The following ZNF442 variants were observed in gnomAD, a reference collection of about 807,000 sequenced individuals.
ZNF442 encodes the protein zinc finger protein 442.
Under a neutral mutation model 57.0 loss-of-function variants are expected in ZNF442, and 45 were observed. The ratio of observed to expected loss-of-function variants is 0.79; its 90% CI spans 0.62 to 1.01. The LOEUF is 1.01. Ranked by LOEUF, ZNF442 falls within the 50% of genes least tolerant of loss-of-function variation. The pLI is 0.00. For missense variants in ZNF442, 690 were observed against 756.5 expected, an observed-to-expected ratio of 0.91 and a Z score of 1.03; for synonymous variants, 213 against 241.8, an observed-to-expected ratio of 0.88 and a Z score of 1.10.
chr19:12,372,783 C>CT, the ZNF442 span, among the ~76,000 whole-genome samples: 3 of 152,070 alleles, frequency 2.0e-5, no homozygotes, highest in Non-Finnish European at 4.4e-5. Flanking sequence ...TGTGAGTTTT[C>CT]TTTTTTTGGA....
rs1320982560 is a variant in ZNF442 at position 12,348,518 on chromosome 19, T to G, written c.*1183A>C. The G allele has an allele frequency of 6.6e-6, 1 of 152,160 alleles. No homozygotes were observed. The highest frequency in any genetic ancestry group is 1.5e-5 in the Non-Finnish European group (1 of 68,044). 9.4% of individuals were successfully genotyped at this position (152,160 alleles called of 1,614,324 possible). ...CTACAACAATGTTTCTAACTAAATA[T>G]CTGCAAATATGAAGACAGATCCTTC... On this transcript the variant is annotated 3_prime_UTR_variant, in exon 6 of 6. Transcript: ENST00000242804.
At position 12,351,245 on chromosome 19, in the gene ZNF442, C is replaced by G; in HGVS notation, c.340G>C (p.Asp114His). The G allele has an allele frequency of 6.2e-7, 1 of 1,614,158 alleles. No individual in the cohort carries two copies. The highest frequency in any genetic ancestry group is 8.5e-7 in the Non-Finnish European group (1 of 1,180,032). ...STVNEKPPGV[D>H]PCKSSVCGEI... ...CCACACACACTGCTTTTACATGGAT[C>G]TACTCCAGGAGGTTTTTCATTCACA... Residue 114 changes from aspartate (D) to histidine (H), a missense_variant, in exon 6 of 6, where the codon GAT (aspartate) becomes CAT (histidine). Transcript: ENST00000242804.
In ZNF442 at chr19:12,351,139, C is replaced by G. The variant is rs777994242; in HGVS notation, c.446G>C (p.Gly149Ala). 1.2e-5 allele frequency: 20 copies of G among 1,614,130 alleles called. No individual in the cohort carries two copies. The highest frequency in any genetic ancestry group is 1.7e-5 in the Non-Finnish European group (20 of 1,180,010). The change falls in exon 6 of 6, where the codon GGA (glycine) becomes GCA (alanine). Residue 149 changes from glycine (G) to alanine (A), a missense_variant. Coordinates refer to ENST00000242804, the MANE Select transcript of ZNF442 (RefSeq NM_030824.3). ...GHKPDECQEY[G>A]EKPHTHKQCG... ...TTGTTTATGTGTATGTGGCTTCTCT[C>G]CATATTCCTGACACTCATCTGGTTT...
chr19:12,361,545 C>T (rs1421610115), intron 3 of ZNF442, among the ~76,000 whole-genome samples: 3 of 152,170 alleles, frequency 2.0e-5, no homozygotes, highest in Admixed American at 1.3e-4. Context: ...AAACATTTTT[C>T]CTTAGTCATA....
At chr19:12,357,279 T>C (rs369347298) in intron 3 of ZNF442, among the ~76,000 whole-genome samples, 2 of 152,096 alleles carry the variant, frequency 1.3e-5, no homozygotes, top group Admixed American at 6.6e-5. Context: ...TCATACTTTA[T>C]GTGCATTACA....
chr19:12,348,199 C>T lies in ZNF442; in HGVS notation c.*1502G>A, dbSNP rs1969156745. The stretch of plus-strand genomic sequence containing the variant: ...ATCTCTACTAAAAATAAAAATTAGC[C>T]AGGCATGGTGGCGAGTGCCTGTAAT... On this transcript the variant is annotated 3_prime_UTR_variant, in exon 6 of 6. Transcript: ENST00000242804. 3 of 151,968 alleles carry T rather than the reference C, an allele frequency of 2.0e-5. No homozygotes were observed. Among genetic ancestry groups the T allele is most frequent in the Admixed American group, 2.0e-4 (3 of 15,244 alleles). 9.4% of individuals were successfully genotyped at this position (151,968 alleles called of 1,614,324 possible).
the ZNF442 span, among the ~76,000 whole-genome samples, chr19:12,372,626 G>T: frequency 0.016 from 2,475 of 152,224 alleles, 57 homozygotes; most frequent in African/African-American, 0.054. Flanking sequence ...ACCTTGATGT[G>T]TTTTTTTCTG....
chr19:12,355,900 T>G (rs966578779), intron 3 of ZNF442, among the ~76,000 whole-genome samples: 2 of 151,978 alleles, frequency 1.3e-5, no homozygotes, highest in Admixed American at 1.3e-4. Context: ...CCTAGGAGGC[T>G]GAGGTGGGAG....
chr19:12,366,277 G>A (rs1345833714), upstream of ZNF442, among the ~76,000 whole-genome samples: 1 of 152,126 alleles, frequency 6.6e-6, no homozygotes, highest in African/African-American at 2.4e-5. Flanking sequence ...ATCAAAAGAA[G>A]GGAAAAGAAA....
In ZNF442 at chr19:12,350,534, A is replaced by G. The variant is rs1969208874; in HGVS notation, c.1051T>C (p.Cys351Arg). 1 of 1,613,940 alleles carries G rather than the reference A, an allele frequency of 6.2e-7. No homozygotes were observed. Among genetic ancestry groups the G allele is most frequent in the Non-Finnish European group, 8.5e-7 (1 of 1,179,986 alleles). ...IRHTGDGPHKCKICGKGFDCP... is the reference protein window; with the variant it reads ...IRHTGDGPHKRKICGKGFDCP... ...TCAAAGCCTTTCCCACATATCTTAC[A>G]TTTATGAGGTCCATCTCCAGTGTGC... The change falls in exon 6 of 6, where the codon TGT (cysteine) becomes CGT (arginine). Residue 351 changes from cysteine (C) to arginine (R), a missense_variant. Physicochemically the swap from Cys to Arg is radical, Grantham distance 180. Transcript: ENST00000242804.
the ZNF442 span, among the ~76,000 whole-genome samples, chr19:12,373,205 T>C: frequency 6.6e-6 from 1 of 152,188 alleles, no homozygotes; most frequent in Non-Finnish European, 1.5e-5. Context: ...GACACTTACA[T>C]CATTTCATCA....
chr19:12,350,552 C>T lies in ZNF442; in HGVS notation c.1033G>A (p.Gly345Arg), dbSNP rs1276100006. The T allele has an allele frequency of 1.1e-5, 17 of 1,613,856 alleles. No individual in the cohort carries two copies. The East Asian group carries it at 3.1e-4, about 30-fold the overall frequency. ...ATCTTACATTTATGAGGTCCATCTC[C>T]AGTGTGCCTTATCATGTGTCTTTGA... ...SFQRHMIRHTGDGPHKCKICG... is the reference protein window; with the variant it reads ...SFQRHMIRHTRDGPHKCKICG... Residue 345 changes from glycine to arginine, a missense_variant, in exon 6 of 6, where the codon GGA (glycine) becomes AGA (arginine). Coordinates refer to ENST00000242804, the MANE Select transcript of ZNF442 (RefSeq NM_030824.3).
At chr19:12,372,568 C>A in the ZNF442 span, among the ~76,000 whole-genome samples, 1 of 152,138 alleles carries the variant, frequency 6.6e-6, no homozygotes, top group Non-Finnish European at 1.5e-5. Context: ...ACTACCTATT[C>A]AACTCATGAA....
chr19:12,370,707 G>C (rs1252471510), upstream of ZNF442, among the ~76,000 whole-genome samples: 5 of 152,106 alleles, frequency 3.3e-5, no homozygotes, highest in Admixed American at 3.3e-4. Context: ...GGGCATGGTG[G>C]CTCACGCCTG....
At chr19:12,362,871 T>C (rs541156159) in intron 3 of ZNF442, among the ~76,000 whole-genome samples, 1 of 149,330 alleles carries the variant, frequency 6.7e-6, no homozygotes, top group African/African-American at 2.5e-5. Flanking sequence ...CTAAGAAAAA[T>C]TCTTCTGCCT....
rs544070248 is a variant in ZNF442, at chr19:12,350,996, G to A, written c.589C>T (p.Arg197Ter). 1.9e-5 allele frequency: 30 copies of A among 1,613,836 alleles called. No individual in the cohort carries two copies. The highest frequency in any genetic ancestry group is 8.9e-5 in the East Asian group (4 of 44,886). The change falls in exon 6 of 6, where the codon CGA becomes TGA. Residue 197 changes from arginine (R) to a stop codon, truncating the protein, a stop_gained. Transcript: ENST00000242804. LOFTEE classifies it high-confidence loss of function. ...GKTFSSSGNL[R>*]RHIIVQRGGG... is the part of the protein sequence containing the mutation. Reference sequence around the variant, plus strand: ...CCACGTTGTACTATTATGTGTCTTCGAAGGTTTCCCGAAGAACTGAAGGTT... The same window carrying A: ...CCACGTTGTACTATTATGTGTCTTCAAAGGTTTCCCGAAGAACTGAAGGTT...
At chr19:12,351,408 T>A (rs1367598794) in intron 5 of ZNF442, 90 bp from the exon 6 acceptor site, 1 of 1,211,606 alleles carries the variant, frequency 8.3e-7, no homozygotes, top group Non-Finnish European at 1.1e-6. Context: ...TTTTACATCA[T>A]CATGCAACGT....
intron 3 of ZNF442, among the ~76,000 whole-genome samples, chr19:12,359,491 T>C (rs576293514): frequency 1.3e-5 from 2 of 152,184 alleles, no homozygotes; most frequent in Non-Finnish European, 2.9e-5. Flanking sequence ...TTTTATCTTA[T>C]GATTAGCTGA....
chr19:12,352,300 C>G (rs1969253399), intron 4 of ZNF442, among the ~76,000 whole-genome samples: 1 of 152,136 alleles, frequency 6.6e-6, no homozygotes, highest in Non-Finnish European at 1.5e-5. Flanking sequence ...TCACTGCAAC[C>G]TCCGCTTCCT....
Sources: gnomAD v4.1 joint callset for allele counts (sites outside exome capture counted in the v4.1 genomes callset) on GRCh38, gnomAD v4.1.1 for gene constraint, MANE v1.5 for transcripts, NCBI Gene and HGNC (gene_info 2026-07-23, HGNC 2026-07-21) for gene names.